The following BICRA variants were observed in gnomAD, a reference collection of about 807,000 sequenced individuals.
BICRA encodes BRD4-interacting chromatin-remodeling complex-associated protein.
In BICRA, 31 loss-of-function variants were observed where a neutral mutation model predicts 96.9. The ratio of observed to expected loss-of-function variants is 0.32; its 90% CI spans 0.24 to 0.43. The LOEUF is 0.43. Ranked by LOEUF, BICRA falls within the 20% of genes least tolerant of loss-of-function variation. The pLI, the probability that BICRA is intolerant of heterozygous loss-of-function variation, is 1.00. For synonymous variants in BICRA, 1,350 were observed against 1,071.8 expected (o/e 1.26, Z -5.07); for missense variants, 2,283 against 2,190.3 (o/e 1.04, Z -0.84).
At chr19:47,693,377 G>A (rs1599863112) in intron 7 of BICRA, among the ~76,000 whole-genome samples, 1 of 152,248 alleles carries the variant, frequency 6.6e-6, no homozygotes, top group African/African-American at 2.4e-5. Context: ...ATGCACGCTT[G>A]TACCTGCAAG....
intron 1 of BICRA, chr19:47,616,009 T>C (rs112588716): frequency 0.036 from 5,415 of 152,450 alleles, 132 homozygotes; most frequent in Non-Finnish European, 0.049. Context: ...AAGGTCCCCA[T>C]TGTCTTCCTG....
At chr19:47,665,252 T>C (rs1230032058) in intron 1 of BICRA, among the ~76,000 whole-genome samples, 1 of 152,222 alleles carries the variant, frequency 6.6e-6, no homozygotes, top group East Asian at 1.9e-4. Context: ...GCCTCTTGAA[T>C]AAATGAAAGG....
chr19:47,635,249 ATTT>A (rs373765609), intron 1 of BICRA, among the ~76,000 whole-genome samples: 1 of 137,224 alleles, frequency 7.3e-6, no homozygotes, highest in Non-Finnish European at 1.6e-5. Context: ...CATTTCTAGG[ATTT>A]TTTTTTTTTT....
chr19:47,616,887 G>A (rs1184796989), intron 1 of BICRA, among the ~76,000 whole-genome samples: 1 of 151,384 alleles, frequency 6.6e-6, no homozygotes, highest in Non-Finnish European at 1.5e-5. Flanking sequence ...GGAGTACAGT[G>A]GTGTGATCTT....
chr19:47,686,744 G>T lies in BICRA; in HGVS notation c.2283+4592G>T, dbSNP rs552837213. Among the ~76,000 whole-genome samples, 12 of 152,246 alleles carry T rather than the reference G, an allele frequency of 7.9e-5. No individual in the cohort carries two copies. The South Asian group carries it at 2.3e-3, about 29-fold the overall frequency. ...TAAGATGACTTGAGCCATTACCAAT[G>T]GTTACTATGTGTAGGGGTGTGTTTT... is the stretch of plus-strand genomic sequence containing the variant. On this transcript the variant is annotated intron_variant, in intron 7 of 14. Coordinates refer to ENST00000594866, the MANE Select transcript of BICRA (RefSeq NM_001394372.1).
Position 47,701,230 on chromosome 19 carries a change from C to T in BICRA, c.3596-98C>T. On this transcript the variant is annotated intron_variant, in intron 14 of 14. Transcript: ENST00000594866. The surrounding 1 kb of genome is among the most constrained non-coding windows in gnomAD (Gnocchi z 5.4). ...GAGGGTCCAGGGTGCAGTCTGGTGC[C>T]TGGCAGGTAGTAGGTGCTCACTGCA... The T allele has an allele frequency of 3.7e-6, 3 of 804,080 alleles. No individual in the cohort carries two copies. In the South Asian group the frequency reaches 4.4e-5, roughly 12 times the overall value. 49.8% of individuals were successfully genotyped at this position (804,080 alleles called of 1,614,324 possible). A position where few individuals can be genotyped will look rare whatever the true frequency, so the allele number is the denominator to read the frequency against.
Position 47,680,757 on chromosome 19 carries a change from G to T in BICRA, c.1587G>T (p.Val529=). The change falls in exon 6 of 15, where the codon GTG becomes GTT. Residue 529 remains valine (V), a synonymous_variant. Coordinates refer to ENST00000594866, the MANE Select transcript of BICRA (RefSeq NM_001394372.1). ...NLAGPLSLGP[V]LAPHSGAHSA... ...CGGGCCCACTGAGCCTGGGCCCCGT[G>T]TTGGCCCCCCACTCCGGGGCCCACA... 1 of 1,609,642 alleles carries T rather than the reference G, an allele frequency of 6.2e-7. No individual in the cohort carries two copies. The highest frequency in any genetic ancestry group is 8.5e-7 in the Non-Finnish European group (1 of 1,178,554).
chr19:47,648,557 C>T (rs1972496133), intron 1 of BICRA, among the ~76,000 whole-genome samples: 3 of 151,614 alleles, frequency 2.0e-5, no homozygotes, highest in Admixed American at 6.6e-5. Context: ...TGACTACAGA[C>T]GGCCCTGGTG....
In BICRA at chr19:47,673,682, T is replaced by C. The variant is rs1374083265; in HGVS notation, c.42-38T>C. On this transcript the variant is annotated intron_variant, in intron 3 of 14. Transcript: ENST00000594866. The stretch of plus-strand genomic sequence containing the variant: ...CCCTCCCTTCCCTCCCCTCCCCAGC[T>C]CCTTACCTCCTCAGCGTCTCTTCCT... 2.9e-6 allele frequency: 4 copies of C among 1,360,650 alleles called. No homozygotes were observed. In the East Asian group the frequency reaches 1.1e-4, roughly 37 times the overall value. The allele number at this position is 1,360,650 out of a possible 1,614,324, so 84.3% of individuals were successfully genotyped here. A position where few individuals can be genotyped will look rare whatever the true frequency, so the allele number is the denominator to read the frequency against.
intron 1 of BICRA, among the ~76,000 whole-genome samples, chr19:47,639,363 G>A (rs1391916671): frequency 8.8e-6 from 1 of 113,020 alleles, no homozygotes; most frequent in Admixed American, 1.4e-4. Flanking sequence ...GTCTCGCTCT[G>A]TCTCCCAGGC....
intron 1 of BICRA, among the ~76,000 whole-genome samples, chr19:47,637,281 G>A (rs1972313969): frequency 6.6e-6 from 1 of 151,708 alleles, no homozygotes; most frequent in Admixed American, 6.6e-5. Flanking sequence ...CACCACACCC[G>A]GCTAATTTTT....
intron 1 of BICRA, among the ~76,000 whole-genome samples, chr19:47,660,611 G>A (rs527373673): frequency 2.6e-5 from 4 of 152,238 alleles, no homozygotes; most frequent in East Asian, 1.9e-4. Context: ...CAAGGTTCAC[G>A]GGAATGACTC....
At chr19:47,628,779 A>G (rs1972176936) in intron 1 of BICRA, among the ~76,000 whole-genome samples, 1 of 150,298 alleles carries the variant, frequency 6.7e-6, no homozygotes, top group Non-Finnish European at 1.5e-5. Flanking sequence ...TAATTTTTGT[A>G]TTTTTTTTTG....
Position 47,673,630 on chromosome 19 carries a change from C to T in BICRA, c.41+15C>T. ...GACGTGATTTGGTGAGTAACGGGCT[C>T]CCCACCCCCTGCCCTCTGTCTCAAC... On this transcript the variant is annotated intron_variant, in intron 3 of 14. Coordinates refer to ENST00000594866, the MANE Select transcript of BICRA (RefSeq NM_001394372.1). 2 of 1,582,702 alleles carry T rather than the reference C, an allele frequency of 1.3e-6. No individual in the cohort carries two copies. The highest frequency in any genetic ancestry group is 1.7e-4 in the Middle Eastern group (1 of 6,002).
At chr19:47,668,306 T>C (rs958191735) in intron 1 of BICRA, among the ~76,000 whole-genome samples, 1 of 152,094 alleles carries the variant, frequency 6.6e-6, no homozygotes, top group Non-Finnish European at 1.5e-5. Context: ...TTGCGAACAT[T>C]GGTAACCCCA....
rs529722884 is a variant in BICRA, at chr19:47,690,816, G to A, written c.2284-3299G>A. Among the ~76,000 whole-genome samples, 238 of 150,310 alleles carry A rather than the reference G, an allele frequency of 1.6e-3. 1 individual carries two copies. Among genetic ancestry groups the A allele is most frequent in the Admixed American group, 2.4e-3 (36 of 15,002 alleles). ...ATTGTGTGTGTGTGTGTGTGTGTGC[G>A]CACTTTTGATGAGAATGAAATTAAA... On this transcript the variant is annotated intron_variant, in intron 7 of 14. Transcript: ENST00000594866.
At chr19:47,694,848 C>G in intron 8 of BICRA, 52 bp from the exon 9 acceptor site, 2 of 1,343,040 alleles carry the variant, frequency 1.5e-6, no homozygotes, top group Non-Finnish European at 2.0e-6. Context: ...GTCTGGACAC[C>G]CCTACACCTA....
intron 1 of BICRA, among the ~76,000 whole-genome samples, chr19:47,619,340 C>T (rs62130666): frequency 0.19 from 29,385 of 151,254 alleles, 3,196 homozygotes; most frequent in Middle Eastern, 0.28. Flanking sequence ...TCGTTGCAAC[C>T]TCCGCCTCCC....
chr19:47,664,377 A>T (rs1260304062), intron 1 of BICRA, among the ~76,000 whole-genome samples: 1 of 152,138 alleles, frequency 6.6e-6, no homozygotes, highest in Non-Finnish European at 1.5e-5. Flanking sequence ...TTGTTGCGTC[A>T]TGGCTGTTCT....
Sources: gnomAD v4.1 joint callset for allele counts (sites outside exome capture counted in the v4.1 genomes callset) on GRCh38, gnomAD v4.1.1 for gene constraint, Gnocchi (gnomAD v3.1) non-coding constraint, MANE v1.5 for transcripts, NCBI Gene and HGNC (gene_info 2026-07-23, HGNC 2026-07-21) for gene names.